ZFR2: variants seen among roughly 807,000 people sequenced by gnomAD.
ZFR2 encodes the protein zinc finger RNA binding protein 2.
Under a neutral mutation model 105.7 loss-of-function variants are expected in ZFR2, and 104 were observed. The ratio of observed to expected loss-of-function variants is 0.98; its 90% confidence interval spans 0.84 to 1.16. The LOEUF (loss-of-function observed/expected upper bound fraction) is 1.16, where lower values mean the gene tolerates loss of function less well. Ranked by LOEUF, ZFR2 falls within the 50% of genes most tolerant of loss-of-function variation. The pLI, the probability that ZFR2 is intolerant of heterozygous loss-of-function variation, is 0.00. For synonymous variants in ZFR2, 634 were observed against 597.7 expected (o/e 1.06, Z -0.89); for missense variants, 1,425 against 1,355.5 (o/e 1.05, Z -0.80).
At chr19:3,837,721 C>T (rs1163689625) in intron 1 of ZFR2, among the ~76,000 whole-genome samples, 1 of 151,522 alleles carries the variant, frequency 6.6e-6, no homozygotes, top group Non-Finnish European at 1.5e-5. Context: ...GACCATGACA[C>T]TTGATGAATG....
intron 1 of ZFR2, among the ~76,000 whole-genome samples, chr19:3,840,114 C>T (rs2038120339): frequency 6.6e-6 from 1 of 152,210 alleles, no homozygotes; most frequent in African/African-American, 2.4e-5. Flanking sequence ...GATTTTAACT[C>T]CTTCTTCCCT....
chr19:3,834,735 G>T lies in ZFR2; in HGVS notation c.264+38C>A. ...CTCTCACCCATGCAAGGCGACCCAC[G>T]TTTCCCGGCAACGCTGGTCAAAGAA... On this transcript the variant is annotated intron_variant, in intron 2 of 18. Coordinates refer to ENST00000262961, the MANE Select transcript of ZFR2 (RefSeq NM_015174.2). This position sits in a 1 kb window ranked among gnomAD's most constrained non-coding sequence, Gnocchi z 5.3. 1.2e-6 allele frequency: 2 copies of T among 1,600,740 alleles called. No homozygotes were observed. Among genetic ancestry groups the T allele is most frequent in the Non-Finnish European group, 1.7e-6 (2 of 1,174,588 alleles).
chr19:3,821,325 C>T lies in ZFR2; in HGVS notation c.1631+15G>A. The T allele has an allele frequency of 6.4e-7, 1 of 1,569,284 alleles. No individual in the cohort carries two copies. Among genetic ancestry groups the T allele is most frequent in the South Asian group, 1.2e-5 (1 of 85,928 alleles). ...CCCTCACCAGGCCCCCTTGCCAAGACCCGCAGCCGGGCACCTCCTCTCCGC... is the reference window on the plus strand; with the variant it reads ...CCCTCACCAGGCCCCCTTGCCAAGATCCGCAGCCGGGCACCTCCTCTCCGC... On this transcript the variant is annotated intron_variant, in intron 10 of 18. Transcript: ENST00000262961.
chr19:3,832,194 T>A (rs2038024260), intron 3 of ZFR2, among the ~76,000 whole-genome samples: 1 of 152,064 alleles, frequency 6.6e-6, no homozygotes, highest in Admixed American at 6.6e-5. Context: ...TTGGAAAAAA[T>A]GTTAGCTGCA....
chr19:3,833,675 G>T lies in ZFR2; in HGVS notation c.368C>A (p.Ser123Tyr). The change falls in exon 3 of 19, where the codon TCC (serine) becomes TAC (tyrosine). Residue 123 changes from serine to tyrosine, a missense_variant. Coordinates refer to ENST00000262961, the MANE Select transcript of ZFR2 (RefSeq NM_015174.2). ...TGCAGATGGCTCACCTGGCTGGCCG[G>T]AGTCTGCGGCTGTCATGCGCCCAGA... ...LQSGRMTAAD[S>Y]GQPGTQEACG... 1 of 1,561,740 alleles carries T rather than the reference G, an allele frequency of 6.4e-7. No individual in the cohort carries two copies. Among genetic ancestry groups the T allele is most frequent in the South Asian group, 1.2e-5 (1 of 85,054 alleles).
rs561933629 is a variant in ZFR2 at position 3,831,443 on chromosome 19, C to T, written c.712G>A (p.Ala238Thr). The T allele has an allele frequency of 8.7e-4, 1,355 of 1,550,834 alleles. 9 individuals are homozygous for T. The highest frequency in any genetic ancestry group is 4.5e-3 in the South Asian group (381 of 84,132). ...GGGCTGCTTCCTGAGCCTGCAGGCG[C>T]GGGCGGCGGGGGCAGCTGCTGCGGG... ...GPPQQLPPPP[A>T]PAGSGSSPRA... Residue 238 changes from alanine (A) to threonine (T), a missense_variant, in exon 5 of 19, where the codon GCG becomes ACG. Physicochemically the swap from Ala to Thr is moderately conservative, Grantham distance 58 (BLOSUM62 0). Transcript: ENST00000262961.
chr19:3,845,309 AT>A (rs201271274), intron 1 of ZFR2, among the ~76,000 whole-genome samples: 4,339 of 150,008 alleles, frequency 0.029, 201 homozygotes, highest in African/African-American at 0.1. Context: ...TCTCTACAAA[AT>A]TTTTTTTTTA....
At chr19:3,860,197 ATTTTTT>A (rs113571842) in intron 1 of ZFR2, among the ~76,000 whole-genome samples, 5 of 134,966 alleles carry the variant, frequency 3.7e-5, no homozygotes, top group African/African-American at 1.1e-4. Flanking sequence ...TGCCTGGCTA[ATTTTTT>A]TTTTTTTTTT....
At chr19:3,863,329 G>A (rs1243122478) in intron 1 of ZFR2, among the ~76,000 whole-genome samples, 1 of 152,222 alleles carries the variant, frequency 6.6e-6, no homozygotes, top group African/African-American at 2.4e-5. Context: ...CTGTTGCCCG[G>A]GAGACATTTT....
At chr19:3,830,715 A>G (rs2038002598) in intron 5 of ZFR2, among the ~76,000 whole-genome samples, 1 of 152,146 alleles carries the variant, frequency 6.6e-6, no homozygotes, top group African/African-American at 2.4e-5. Flanking sequence ...ATTAAAAACA[A>G]AAGAAGATCA....
At chr19:3,867,345 T>A (rs1322872307) in intron 1 of ZFR2, among the ~76,000 whole-genome samples, 1 of 151,840 alleles carries the variant, frequency 6.6e-6, no homozygotes, top group East Asian at 1.9e-4. Context: ...CAGCCCTGGC[T>A]CCCGGACTGG....
chr19:3,834,596 C>G lies in ZFR2; in HGVS notation c.264+177G>C, dbSNP rs1433961138. On this transcript the variant is annotated intron_variant, in intron 2 of 18. Coordinates refer to ENST00000262961, the MANE Select transcript of ZFR2 (RefSeq NM_015174.2). The surrounding 1 kb of genome is among the most constrained non-coding windows in gnomAD (Gnocchi z 5.3). ...CGAGAGCAGTGGATTCTTTCGGAAG[C>G]GACTCTGCCCTGATTTCTCCCCACC... 6.6e-6 allele frequency among the ~76,000 whole-genome samples: 1 copy of G among 152,168 alleles called. No individual in the cohort carries two copies. Among genetic ancestry groups the G allele is most frequent in the African/African-American group, 2.4e-5 (1 of 41,448 alleles).
chr19:3,805,933 G>A lies in ZFR2; in HGVS notation c.*16C>T, dbSNP rs972217716. ...TGCAGGGATGCAAAGGCCCGCAGGT[G>A]GGGGAGGTAGGCGGCTCACACGAGC... On this transcript the variant is annotated 3_prime_UTR_variant, in exon 19 of 19. Transcript: ENST00000262961. The A allele has an allele frequency of 1.3e-6, 2 of 1,519,888 alleles. No individual in the cohort carries two copies. Among genetic ancestry groups the A allele is most frequent in the Admixed American group, 2.1e-5 (1 of 48,238 alleles). The allele number at this position is 1,519,888 out of a possible 1,614,324, so 94.2% of individuals were successfully genotyped here. A position where few individuals can be genotyped will look rare whatever the true frequency, so the allele number is the denominator to read the frequency against.
chr19:3,855,456 T>C lies in ZFR2; in HGVS notation c.53+13509A>G, dbSNP rs529392999. 38 of 1,231,672 alleles carry C rather than the reference T, an allele frequency of 3.1e-5. 1 individual carries two copies. The South Asian group carries it at 5.3e-4, about 17-fold the overall frequency. The allele number at this position is 1,231,672 out of a possible 1,614,324, so 76.3% of individuals were successfully genotyped here. A position where few individuals can be genotyped will look rare whatever the true frequency, so the allele number is the denominator to read the frequency against. On this transcript the variant is annotated intron_variant, in intron 1 of 18. Coordinates refer to ENST00000262961, the MANE Select transcript of ZFR2 (RefSeq NM_015174.2). ...ATCCGGCGGCAGATTCATTGAGTCA[T>C]TGGATAAATACTTCCTGGGTGCTAG...
chr19:3,812,297 C>A (rs1314778878), intron 14 of ZFR2, among the ~76,000 whole-genome samples: 2 of 151,992 alleles, frequency 1.3e-5, no homozygotes, highest in Non-Finnish European at 2.9e-5. Context: ...CCAGGCTGGT[C>A]TCGAATTTCT....
chr19:3,831,383 G>T lies in ZFR2; in HGVS notation c.772C>A (p.Leu258Met). ...ADSKPPLPSK[L>M]PRPKAGPRQL... is the part of the protein sequence containing the mutation. ...CTGGGCCCCGCCTTGGGTCTCGGCA[G>T]CTTGCTGGGAAGCGGTGGCTTCGAG... Residue 258 changes from leucine (L) to methionine (M), a missense_variant, in exon 5 of 19, where the codon CTG becomes ATG. By Grantham distance (15) the Leu-to-Met change is conservative. Coordinates refer to ENST00000262961, the MANE Select transcript of ZFR2 (RefSeq NM_015174.2). 1 of 1,558,068 alleles carries T rather than the reference G, an allele frequency of 6.4e-7. No homozygotes were observed.
intron 8 of ZFR2, among the ~76,000 whole-genome samples, chr19:3,822,679 G>A (rs934962833): frequency 6.6e-6 from 1 of 152,140 alleles, no homozygotes; most frequent in Admixed American, 6.6e-5. Flanking sequence ...TGGCACCACT[G>A]TGCTCCAGCC....
intron 4 of ZFR2, 52 bp from the exon 5 acceptor site, chr19:3,831,608 T>C: frequency 6.5e-7 from 1 of 1,528,604 alleles, no homozygotes. Flanking sequence ...TTCCACTGAG[T>C]TGAAGTGGGG....
chr19:3,831,787 C>T lies in ZFR2; in HGVS notation c.471G>A (p.Gln157=). ...PQQAPIVESG[Q]PASTLSSGYT... ...ATCCCGAGGACAAGGTGCTCGCTGG[C>T]TGTCCGGACTCCACTATGGGCGCCT... The change falls in exon 4 of 19, where the codon CAG becomes CAA. Residue 157 remains glutamine (Q), a synonymous_variant. Coordinates refer to ENST00000262961, the MANE Select transcript of ZFR2 (RefSeq NM_015174.2). The T allele has an allele frequency of 6.2e-7, 1 of 1,610,328 alleles. No individual in the cohort carries two copies. Among genetic ancestry groups the T allele is most frequent in the South Asian group, 1.1e-5 (1 of 90,898 alleles).
Sources: allele counts gnomAD v4.1 joint callset (sites outside exome capture counted in the v4.1 genomes callset), GRCh38; gene constraint gnomAD v4.1.1; non-coding constraint Gnocchi (gnomAD v3.1); transcripts MANE v1.5; gene names NCBI Gene and HGNC (gene_info 2026-07-23, HGNC 2026-07-21).